Variants in NTM observed in about 807,000 individuals in gnomAD.
NTM encodes IgLON family member 2.
A neutral mutation model predicts 42.1 loss-of-function variants in NTM; 13 were observed. That is an observed-to-expected ratio of 0.31 (90% CI 0.20 to 0.49). The LOEUF is 0.49. NTM is among the 20% of genes least tolerant of loss of function. The probability of loss-of-function intolerance (pLI) is 0.99; values close to 1 mark genes in which losing one functional copy is unlikely to be tolerated. For synonymous variants in NTM, 187 were observed against 179.2 expected (o/e 1.04, Z -0.35); for missense variants, 373 against 452.8 (o/e 0.82, Z 1.60).
intron 1 of NTM, chr11:131,536,001 G>A (rs1255834083): frequency 6.6e-6 from 1 of 152,336 alleles, no homozygotes; most frequent in South Asian, 2.1e-4. Context: ...CAGAGGTGTG[G>A]GTTGGGTGGT....
chr11:131,924,625 G>A (rs1286194508), intron 2 of NTM, among the ~76,000 whole-genome samples: 4 of 148,498 alleles, frequency 2.7e-5, no homozygotes, highest in Non-Finnish European at 5.9e-5. Flanking sequence ...GGATGTTGAT[G>A]TCCAAAATTA....
chr11:132,282,493 A>G (rs1383141847), intron 4 of NTM, among the ~76,000 whole-genome samples: 1 of 152,184 alleles, frequency 6.6e-6, no homozygotes, highest in Non-Finnish European at 1.5e-5. Context: ...CCCTCCTCAA[A>G]TAGCAGATTT....
At chr11:131,788,478 G>A (rs2089633216) in intron 1 of NTM, among the ~76,000 whole-genome samples, 1 of 151,766 alleles carries the variant, frequency 6.6e-6, no homozygotes, top group African/African-American at 2.4e-5. Flanking sequence ...TTTTTTGACT[G>A]AGTCATTGGT....
chr11:131,639,423 T>G (rs1391936242), intron 1 of NTM, among the ~76,000 whole-genome samples: 2 of 152,222 alleles, frequency 1.3e-5, no homozygotes, highest in African/African-American at 4.8e-5. Context: ...AGTGCCACTT[T>G]CAATAAAGAA....
At chr11:131,429,595 A>T (rs1168353773) in intron 1 of NTM, among the ~76,000 whole-genome samples, 1 of 152,222 alleles carries the variant, frequency 6.6e-6, no homozygotes, top group Non-Finnish European at 1.5e-5. Context: ...GAGTGGGGAA[A>T]CAAATGAAAA....
At chr11:132,320,328 G>A (rs548550004) in intron 7 of NTM, among the ~76,000 whole-genome samples, 31 of 152,320 alleles carry the variant, frequency 2.0e-4, no homozygotes, top group African/African-American at 4.3e-4. Flanking sequence ...CGCACCATGC[G>A]CGAGCCAAAG....
chr11:131,601,617 G>A (rs2060495005), intron 1 of NTM, among the ~76,000 whole-genome samples: 2 of 151,212 alleles, frequency 1.3e-5, no homozygotes, highest in Admixed American at 1.3e-4. Context: ...GCCCCAGGAA[G>A]CCTGTAGTTC....
chr11:132,317,410 T>C lies in NTM; in HGVS notation c.934+2707T>C, dbSNP rs536576015. ...GAATCCAACTGCACCAGAATATGTA[T>C]GGCGTAACCAGCTCCCTGCCTTCCC... On this transcript the variant is annotated intron_variant, in intron 7 of 8. Coordinates refer to ENST00000683400, the MANE Select transcript of NTM (RefSeq NM_001352005.2). Among the ~76,000 whole-genome samples, 8 of 152,270 alleles carry C rather than the reference T, an allele frequency of 5.3e-5. No individual in the cohort carries two copies. In the South Asian group the frequency reaches 1.5e-3, roughly 28 times the overall value.
intron 1 of NTM, among the ~76,000 whole-genome samples, chr11:131,489,740 C>T (rs1954570308): frequency 6.6e-6 from 1 of 152,204 alleles, no homozygotes; most frequent in African/African-American, 2.4e-5. Context: ...CCTCAACATA[C>T]ATTACTAAAA....
At chr11:132,315,051 AT>A in intron 7 of NTM, 4 of 1,060,148 alleles carry the variant, frequency 3.8e-6, no homozygotes, top group Non-Finnish European at 4.6e-6. Flanking sequence ...TAGGAGAAAA[AT>A]ACTTTGGAAT....
chr11:131,455,069 G>C (rs927897634), intron 1 of NTM, among the ~76,000 whole-genome samples: 1 of 152,162 alleles, frequency 6.6e-6, no homozygotes, highest in African/African-American at 2.4e-5. Context: ...TTTTGTGTGC[G>C]TGCTGTTCAA....
chr11:131,617,975 G>C (rs1179959517), intron 1 of NTM, among the ~76,000 whole-genome samples: 1 of 152,188 alleles, frequency 6.6e-6, no homozygotes, highest in African/African-American at 2.4e-5. Flanking sequence ...CTGGGCCAGC[G>C]CCGGGCTACT....
chr11:131,444,740 C>G (rs1949911634), intron 1 of NTM, among the ~76,000 whole-genome samples: 1 of 152,078 alleles, frequency 6.6e-6, no homozygotes, highest in Non-Finnish European at 1.5e-5. Flanking sequence ...AGCCATGATA[C>G]AGAAAGAGTG....
chr11:132,078,861 C>T (rs1157293948), intron 2 of NTM, among the ~76,000 whole-genome samples: 1 of 152,152 alleles, frequency 6.6e-6, no homozygotes, highest in Non-Finnish European at 1.5e-5. Context: ...AACCTCTTTC[C>T]CCTTTTTGAA....
At chr11:132,267,422 C>A (rs968836867) in intron 4 of NTM, among the ~76,000 whole-genome samples, 1 of 151,796 alleles carries the variant, frequency 6.6e-6, no homozygotes, top group Non-Finnish European at 1.5e-5. Flanking sequence ...ACTTTCCTTA[C>A]CCATAGTTGA....
chr11:132,239,966 CCCATCCATCCATCCATCCATCAT>C (rs1259769218), intron 4 of NTM, among the ~76,000 whole-genome samples: 1 of 151,726 alleles, frequency 6.6e-6, no homozygotes, highest in Non-Finnish European at 1.5e-5. Flanking sequence ...CATCCAACCA[CCCATCCATCCATCCATCCATCAT>C]CCATCCATCC....
At chr11:132,318,630 T>G (rs1284471211) in intron 7 of NTM, among the ~76,000 whole-genome samples, 2 of 151,876 alleles carry the variant, frequency 1.3e-5, no homozygotes, top group African/African-American at 4.8e-5. Flanking sequence ...AAGCAAGCAG[T>G]GGAATAAAAT....
At chr11:131,658,151 T>TA (rs1220519827) in intron 1 of NTM, among the ~76,000 whole-genome samples, 1 of 152,202 alleles carries the variant, frequency 6.6e-6, no homozygotes, top group African/African-American at 2.4e-5. Flanking sequence ...CTCCCAGGGC[T>TA]AGGATCTTAG....
rs554502968 is a variant in NTM, at chr11:131,866,281, G to A, written c.83-45283G>A. Among the ~76,000 whole-genome samples, 7 of 105,916 alleles carry A rather than the reference G, an allele frequency of 6.6e-5. No homozygotes were observed. The Admixed American group carries it at 6.8e-4, about 10-fold the overall frequency. 69.5% of individuals were successfully genotyped at this position (105,916 alleles called of 152,430 possible). A position where few individuals can be genotyped will look rare whatever the true frequency, so the allele number is the denominator to read the frequency against. ...ATTCAGCCTTGTCCCAAATTTACATGGGAATAAATAAAAAACAAAGCAAAG... is the reference window on the plus strand; with the variant it reads ...ATTCAGCCTTGTCCCAAATTTACATAGGAATAAATAAAAAACAAAGCAAAG... On this transcript the variant is annotated intron_variant, in intron 1 of 8. Transcript: ENST00000683400.
Sources: gnomAD v4.1 joint callset for allele counts (sites outside exome capture counted in the v4.1 genomes callset) on GRCh38, gnomAD v4.1.1 for gene constraint, MANE v1.5 for transcripts, NCBI Gene and HGNC (gene_info 2026-07-23, HGNC 2026-07-21) for gene names.